The following PIWIL4 variants were observed in gnomAD, a reference collection of about 807,000 sequenced individuals.
PIWIL4 encodes the protein piwi-like protein 4.
A neutral mutation model predicts 100.9 loss-of-function variants in PIWIL4; 50 were observed. The observed-to-expected ratio is 0.50, with a 90% CI of 0.39 to 0.63. PIWIL4 has a LOEUF of 0.63. Among genes scored for constraint, PIWIL4 ranks in the 20% least tolerant of loss-of-function variants. The pLI is 0.00. For synonymous variants in PIWIL4, 342 were observed against 367.5 expected (o/e 0.93, Z 0.79); for missense variants, 887 against 1,043.3 (o/e 0.85, Z 2.06).
intron 8 of PIWIL4, among the ~76,000 whole-genome samples, chr11:94,589,445 C>T (rs1274384394): frequency 6.6e-6 from 1 of 152,074 alleles, no homozygotes; most frequent in Non-Finnish European, 1.5e-5. Flanking sequence ...GAGTAATCTC[C>T]CTTTAAAGCA....
chr11:94,608,545 C>T (rs370446402), intron 14 of PIWIL4, 38 bp from the exon 15 acceptor site: 1 of 1,547,362 alleles, frequency 6.5e-7, no homozygotes, highest in South Asian at 1.1e-5. Context: ...GGAAATGATA[C>T]CTCATCCCAT....
rs533189138 is a variant in PIWIL4, at chr11:94,620,096, T to C, written c.2394T>C (p.His798=). Residue 798 remains histidine (H), a synonymous_variant, in exon 19 of 20, where the codon CAT becomes CAC. Coordinates refer to ENST00000299001, the MANE Select transcript of PIWIL4 (RefSeq NM_152431.3). ...ATGACAACGGCTTGAAGCCCGACCATATGCAGAGACTTACATTCAAATTGT... is the reference window on the plus strand; with the variant it reads ...ATGACAACGGCTTGAAGCCCGACCACATGCAGAGACTTACATTCAAATTGT... ...IYDDNGLKPD[H]MQRLTFKLCH... is the part of the protein sequence containing the mutation. 3 of 1,612,720 alleles carry C rather than the reference T, an allele frequency of 1.9e-6. No individual in the cohort carries two copies. The highest frequency in any genetic ancestry group is 2.7e-5 in the African/African-American group (2 of 74,978).
chr11:94,617,755 C>A, intron 16 of PIWIL4, 199 bp from the exon 17 acceptor site: 1 of 514,942 alleles, frequency 1.9e-6, no homozygotes, highest in Non-Finnish European at 3.4e-6. Context: ...ATTGTGATTC[C>A]TTGAATAGCA....
chr11:94,611,378 A>G (rs1948785641), intron 15 of PIWIL4, among the ~76,000 whole-genome samples: 1 of 151,948 alleles, frequency 6.6e-6, no homozygotes, highest in Non-Finnish European at 1.5e-5. Flanking sequence ...TTTTTTTCAC[A>G]TAGGCATTTA....
intron 2 of PIWIL4, among the ~76,000 whole-genome samples, chr11:94,569,821 G>T (rs141715878): frequency 4.1e-4 from 63 of 152,156 alleles, no homozygotes; most frequent in African/African-American, 1.5e-3. Flanking sequence ...AGGTTGGGAG[G>T]GTGGGAGGGG....
At position 94,589,177 on chromosome 11, in the gene PIWIL4, A is replaced by G; in HGVS notation, c.971A>G (p.His324Arg). 6.2e-7 allele frequency: 1 copy of G among 1,613,450 alleles called. No individual in the cohort carries two copies. Among genetic ancestry groups the G allele is most frequent in the Non-Finnish European group, 8.5e-7 (1 of 1,179,430 alleles). Residue 324 changes from histidine to arginine, a missense_variant, in exon 8 of 20, where the codon CAC (histidine) becomes CGC (arginine). This residue lies in a region of PIWIL4 where 741 missense variants were observed against 930.0 expected (regional missense o/e 0.80). Transcript: ENST00000299001. ...ATTGACTGGTCAGTGAAGCCCACACACACCTTTCAGAAGCGGGATGGCACC... is the reference window on the plus strand; with the variant it reads ...ATTGACTGGTCAGTGAAGCCCACACGCACCTTTCAGAAGCGGGATGGCACC... Reference protein sequence around the residue: ...DDIDWSVKPTHTFQKRDGTEI... With the variant: ...DDIDWSVKPTRTFQKRDGTEI...
chr11:94,591,759 C>T (rs1185882453), intron 8 of PIWIL4, among the ~76,000 whole-genome samples: 7 of 152,062 alleles, frequency 4.6e-5, no homozygotes, highest in African/African-American at 1.7e-4. Flanking sequence ...CTAGTATGCC[C>T]TCCTCCCTGT....
chr11:94,619,696 C>T (rs1320403766), intron 17 of PIWIL4, 64 bp from the exon 18 acceptor site: 20 of 1,477,940 alleles, frequency 1.4e-5, no homozygotes, highest in Non-Finnish European at 1.8e-5. Flanking sequence ...TTAAATTACA[C>T]AAAAATAGAA....
At chr11:94,584,843 T>A (rs1481671844) in intron 5 of PIWIL4, among the ~76,000 whole-genome samples, 2 of 152,160 alleles carry the variant, frequency 1.3e-5, no homozygotes, top group Admixed American at 6.5e-5. Flanking sequence ...GGCGGGCAGA[T>A]CACCTGAGGT....
Position 94,587,220 on chromosome 11 carries a change from A to G in PIWIL4, c.887A>G (p.Gln296Arg), listed in dbSNP as rs189372927. The G allele has an allele frequency of 6.2e-7, 1 of 1,614,186 alleles. No individual in the cohort carries two copies. The highest frequency in any genetic ancestry group is 1.3e-5 in the African/African-American group (1 of 75,052). The change falls in exon 7 of 20, where the codon CAG (glutamine) becomes CGG (arginine). Residue 296 changes from glutamine (Q) to arginine (R), a missense_variant. This residue lies in a region of PIWIL4 where 741 missense variants were observed against 930.0 expected (regional missense o/e 0.80). Transcript: ENST00000299001. ...TGTTTCACCCAGACGTGTGAGAAGC[A>G]GCTAATAGGGCTCATTGTCCTTACA... ...LSCFTQTCEK[Q>R]LIGLIVLTRY...
In PIWIL4 at chr11:94,567,609, T is replaced by G. The variant is rs372862061; in HGVS notation, c.87+4T>G. ...GCGCATCCAAGCCTCGCCATTGGTG[T>G]GTAGAATGCTTATTGCGCATGGTTT... On this transcript the variant is annotated splice_donor_region_variant and intron_variant, in intron 1 of 19. Coordinates refer to ENST00000299001, the MANE Select transcript of PIWIL4 (RefSeq NM_152431.3). The G allele has an allele frequency of 8.8e-6, 14 of 1,595,472 alleles. No homozygotes were observed. The African/African-American group carries it at 1.7e-4, about 20-fold the overall frequency.
intron 3 of PIWIL4, among the ~76,000 whole-genome samples, chr11:94,576,798 T>C (rs1056503562): frequency 2.6e-5 from 4 of 152,222 alleles, no homozygotes; most frequent in African/African-American, 7.2e-5. Flanking sequence ...ACCACTGATA[T>C]AACTTTTTCA....
intron 17 of PIWIL4, 133 bp downstream of exon 17, chr11:94,618,240 A>T: frequency 1.2e-6 from 1 of 841,516 alleles, no homozygotes; most frequent in Non-Finnish European, 1.7e-6. Flanking sequence ...GTATCATGCC[A>T]GTAGAGCTCT....
intron 8 of PIWIL4, among the ~76,000 whole-genome samples, chr11:94,589,758 C>T (rs554494461): frequency 6.6e-6 from 1 of 152,240 alleles, no homozygotes; most frequent in South Asian, 2.1e-4. Context: ...GCCATCAAGT[C>T]TCAAGGGAGC....
At chr11:94,584,835 C>T (rs981062334) in intron 5 of PIWIL4, among the ~76,000 whole-genome samples, 7 of 152,126 alleles carry the variant, frequency 4.6e-5, no homozygotes, top group African/African-American at 1.2e-4. Context: ...GAGGCAGAGG[C>T]GGGCAGATCA....
At chr11:94,620,499 G>C (rs1478120893) in intron 19 of PIWIL4, among the ~76,000 whole-genome samples, 2 of 152,184 alleles carry the variant, frequency 1.3e-5, no homozygotes, top group Non-Finnish European at 1.5e-5. Flanking sequence ...GCCTGGTGGG[G>C]AAGTGTTAAC....
At position 94,617,951 on chromosome 11, in the gene PIWIL4, C is replaced by T. The variant is rs1313431367; in HGVS notation, c.2015-3C>T. ...CTTTTCTTACTGACACCAAATTCTG[C>T]AGGAGCACTCAACAAATGGTACAAG... On this transcript the variant is annotated splice_region_variant and splice_polypyrimidine_tract_variant and intron_variant, in intron 16 of 19. Transcript: ENST00000299001. 8 of 1,613,424 alleles carry T rather than the reference C, an allele frequency of 5.0e-6. No homozygotes were observed. The highest frequency in any genetic ancestry group is 6.8e-6 in the Non-Finnish European group (8 of 1,179,596).
At chr11:94,607,251 A>G (rs997639699) in intron 13 of PIWIL4, among the ~76,000 whole-genome samples, 188 bp from the exon 14 acceptor site, 1 of 152,192 alleles carries the variant, frequency 6.6e-6, no homozygotes, top group Non-Finnish European at 1.5e-5. Flanking sequence ...AGGCATTTCA[A>G]ATGGATTGAT....
chr11:94,614,461 C>T (rs937405138), intron 15 of PIWIL4, among the ~76,000 whole-genome samples: 1 of 152,020 alleles, frequency 6.6e-6, no homozygotes, highest in Non-Finnish European at 1.5e-5. Flanking sequence ...GTGCCTGCCA[C>T]CATGCCCAGC....
Sources: gnomAD v4.1 joint callset for allele counts (sites outside exome capture counted in the v4.1 genomes callset) on GRCh38, gnomAD v4.1.1 for gene constraint, gnomAD v4.1.1 regional missense constraint, MANE v1.5 for transcripts, NCBI Gene and HGNC (gene_info 2026-07-23, HGNC 2026-07-21) for gene names.